LAMC1: variants seen among roughly 807,000 people sequenced by gnomAD.
LAMC1 encodes laminin subunit gamma 1, also known as laminin subunit gamma-1.
Under a neutral mutation model 173.6 loss-of-function variants are expected in LAMC1, and 38 were observed. The observed-to-expected ratio is 0.22, with a 90% CI of 0.17 to 0.29. The LOEUF (loss-of-function observed/expected upper bound fraction) is 0.29. Ranked by LOEUF, LAMC1 falls within the 10% of genes least tolerant of loss-of-function variation. The probability of loss-of-function intolerance (pLI) is 1.00; values close to 1 mark genes in which losing one functional copy is unlikely to be tolerated. For missense variants in LAMC1, 1,824 were observed against 2,051.8 expected, an observed-to-expected ratio of 0.89 and a Z score of 2.14; for synonymous variants, 746 against 749.1, an observed-to-expected ratio of 1.00 and a Z score of 0.07.
rs1657181948 is a variant in LAMC1, at chr1:183,143,770, T to C, written c.*980T>C. The C allele has an allele frequency of 6.6e-6, 1 of 152,190 alleles. No homozygotes were observed. The highest frequency in any genetic ancestry group is 1.5e-5 in the Non-Finnish European group (1 of 68,044). The allele number at this position is 152,190 out of a possible 1,614,324, so 9.4% of individuals were successfully genotyped here. On this transcript the variant is annotated 3_prime_UTR_variant, in exon 28 of 28. Coordinates refer to ENST00000258341, the MANE Select transcript of LAMC1 (RefSeq NM_002293.4). ...AAAACAAGCCTCCTCGTCCTAGTCT[T>C]TTCTAGCAAAGGGATAAAACTTAGA...
At chr1:183,086,920 A>T (rs115432897) in intron 1 of LAMC1, among the ~76,000 whole-genome samples, 187 of 152,326 alleles carry the variant, frequency 1.2e-3, no homozygotes, top group African/African-American at 4.5e-3. Context: ...AGTAATAGAG[A>T]TATTTTCAGA....
At chr1:183,135,862 C>T (rs921076603) in intron 24 of LAMC1, among the ~76,000 whole-genome samples, 25 of 139,614 alleles carry the variant, frequency 1.8e-4, no homozygotes, top group African/African-American at 6.5e-4. Flanking sequence ...GCATTCCAGC[C>T]AGGGTGACAG....
At chr1:183,091,782 G>C (rs4233194) in intron 1 of LAMC1, among the ~76,000 whole-genome samples, 71,482 of 151,886 alleles carry the variant, frequency 0.47, 18,317 homozygotes, top group East Asian at 0.61. Context: ...TTTGCTTTCA[G>C]ATGTGTCCCT....
intron 1 of LAMC1, among the ~76,000 whole-genome samples, chr1:183,040,487 GGTTT>G (rs1198360201): frequency 6.6e-6 from 1 of 152,128 alleles, no homozygotes; most frequent in Non-Finnish European, 1.5e-5. Flanking sequence ...CAAACAAGTT[GGTTT>G]GTTTATTTGG....
rs1189223794 is a variant in LAMC1, at chr1:183,127,325, G to A, written c.3044G>A (p.Cys1015Tyr). The change falls in exon 17 of 28, where the codon TGT (cysteine) becomes TAT (tyrosine). Residue 1015 changes from cysteine to tyrosine, a missense_variant. Transcript: ENST00000258341. Reference sequence around the variant, plus strand: ...TTTGTGGGAAATCGCTGTGACCAGTGTGAAGAAAACTATTTCTACAATCGG... The same window carrying A: ...TTTGTGGGAAATCGCTGTGACCAGTATGAAGAAAACTATTTCTACAATCGG... Reference protein sequence around the residue: ...EGFVGNRCDQCEENYFYNRSW... With the variant: ...EGFVGNRCDQYEENYFYNRSW... 6.2e-7 allele frequency: 1 copy of A among 1,614,050 alleles called. No individual in the cohort carries two copies. Among genetic ancestry groups the A allele is most frequent in the African/African-American group, 1.3e-5 (1 of 74,932 alleles).
intron 11 of LAMC1, among the ~76,000 whole-genome samples, chr1:183,120,345 A>G (rs897968482): frequency 5.9e-5 from 9 of 152,070 alleles, no homozygotes; most frequent in Admixed American, 2.6e-4. Context: ...TGAAGAAAGT[A>G]TTTTTAGAAT....
At chr1:183,090,214 AATTTT>A (rs1180382296) in intron 1 of LAMC1, among the ~76,000 whole-genome samples, 3 of 152,164 alleles carry the variant, frequency 2.0e-5, no homozygotes, top group Non-Finnish European at 4.4e-5. Flanking sequence ...AATTTGTTGT[AATTTT>A]ATTTCTTAAC....
chr1:183,107,125 A>G (rs1323784255), intron 2 of LAMC1, among the ~76,000 whole-genome samples: 1 of 152,232 alleles, frequency 6.6e-6, no homozygotes, highest in African/African-American at 2.4e-5. Context: ...CTCTGCCATT[A>G]TGGTACACCT....
At position 183,136,573 on chromosome 1, in the gene LAMC1, C is replaced by T. The variant is rs541989446; in HGVS notation, c.4302C>T (p.Ser1434=). ...CCCATGAGGCGGAGAGGATCGCGAGCGCTGTCCAAAAGGTGTGCGTTTCCT... is the reference window on the plus strand; with the variant it reads ...CCCATGAGGCGGAGAGGATCGCGAGTGCTGTCCAAAAGGTGTGCGTTTCCT... The part of the protein sequence containing the change: ...NKAHEAERIA[S]AVQKNATSTK... Residue 1434 remains serine (S), a synonymous_variant, in exon 25 of 28, where the codon AGC becomes AGT. Transcript: ENST00000258341. The T allele has an allele frequency of 3.8e-5, 61 of 1,603,384 alleles. No individual in the cohort carries two copies. The South Asian group carries it at 5.7e-4, about 15-fold the overall frequency.
chr1:183,044,493 T>A (rs1037309691), intron 1 of LAMC1, among the ~76,000 whole-genome samples: 2 of 152,130 alleles, frequency 1.3e-5, no homozygotes. Context: ...CGTAAAACGA[T>A]AGGCATTTAA....
intron 1 of LAMC1, among the ~76,000 whole-genome samples, chr1:183,079,944 CA>C: frequency 6.6e-6 from 1 of 152,250 alleles, no homozygotes; most frequent in African/African-American, 2.4e-5. Context: ...ATGACAATGT[CA>C]AAAACGTGTT....
chr1:183,099,320 C>A (rs1180892186), intron 1 of LAMC1, among the ~76,000 whole-genome samples: 2 of 152,080 alleles, frequency 1.3e-5, no homozygotes, highest in Admixed American at 6.6e-5. Flanking sequence ...GAACTCCTGA[C>A]CTCAAGTGAT....
rs777290656 is a variant in LAMC1, at chr1:183,114,541, C to T, written c.1032C>T (p.Cys344=). The T allele has an allele frequency of 3.7e-6, 6 of 1,614,008 alleles. No homozygotes were observed. The Middle Eastern group carries it at 4.9e-4, about 133-fold the overall frequency. The part of the protein sequence containing the change: ...ESASECLPCD[C]NGRSQECYFD... ...TGTTTTGACTGACAGCCTGTGATTG[C>T]AATGGTCGATCCCAGGAATGCTACT... The change falls in exon 5 of 28, where the codon TGC becomes TGT. Residue 344 remains cysteine (C), a synonymous_variant. Coordinates refer to ENST00000258341, the MANE Select transcript of LAMC1 (RefSeq NM_002293.4).
At position 183,130,386 on chromosome 1, in the gene LAMC1, A is replaced by G. The variant is rs764164485; in HGVS notation, c.3323A>G (p.Asn1108Ser). The G allele has an allele frequency of 2.5e-6, 4 of 1,614,052 alleles. No individual in the cohort carries two copies. Among genetic ancestry groups the G allele is most frequent in the Admixed American group, 1.7e-5 (1 of 60,008 alleles). The change falls in exon 19 of 28, where the codon AAC becomes AGC. Residue 1108 changes from asparagine to serine, a missense_variant. Physicochemically the swap from Asn to Ser is conservative, Grantham distance 46. Transcript: ENST00000258341. ...ATGGATCGCCTACAGAGAGTGAATA[A>G]CACTCTGTCCAGCCAAATTAGCCGT... ...NLMDRLQRVN[N>S]TLSSQISRLQ...
At chr1:183,062,323 A>C (rs949778070) in intron 1 of LAMC1, among the ~76,000 whole-genome samples, 2 of 152,198 alleles carry the variant, frequency 1.3e-5, no homozygotes, top group Non-Finnish European at 2.9e-5. Context: ...TAGCTTTTTA[A>C]ATAGTTTGTC....
At chr1:183,126,552 C>T (rs1326099918) in intron 16 of LAMC1, among the ~76,000 whole-genome samples, 3 of 152,142 alleles carry the variant, frequency 2.0e-5, no homozygotes, top group African/African-American at 7.2e-5. Context: ...TGAGCTTTCC[C>T]ACTGTGGTTC....
rs1396867242 is a variant in LAMC1, at chr1:183,124,677, G to T, written c.2448G>T (p.Leu816=). The change falls in exon 14 of 28, where the codon CTG becomes CTT. Residue 816 remains leucine, a synonymous_variant. Transcript: ENST00000258341. The part of the protein sequence containing the change: ...LCDDGYFGDP[L]GRNGPVRLCR... Reference sequence around the variant, plus strand: ...ATGATGGCTACTTTGGAGACCCCCTGGGTAGAAACGGCCCTGTGAGACTTT... The same window carrying T: ...ATGATGGCTACTTTGGAGACCCCCTTGGTAGAAACGGCCCTGTGAGACTTT... 1.9e-6 allele frequency: 3 copies of T among 1,614,196 alleles called. No homozygotes were observed. In the South Asian group the frequency reaches 3.3e-5, roughly 18 times the overall value.
chr1:183,120,133 C>A (rs928674381), intron 11 of LAMC1, among the ~76,000 whole-genome samples: 6 of 136,074 alleles, frequency 4.4e-5, no homozygotes, highest in Non-Finnish European at 7.6e-5. Context: ...CATGCCGTTG[C>A]ACACCAGCCT....
intron 24 of LAMC1, among the ~76,000 whole-genome samples, chr1:183,135,545 G>A (rs779658554): frequency 4.6e-5 from 7 of 151,978 alleles, no homozygotes; most frequent in Non-Finnish European, 1.0e-4. Context: ...TGATAAAACA[G>A]TCATAGGTTC....
Sources: allele counts gnomAD v4.1 joint callset (sites outside exome capture counted in the v4.1 genomes callset), GRCh38; gene constraint gnomAD v4.1.1; transcripts MANE v1.5; gene names NCBI Gene and HGNC (gene_info 2026-07-23, HGNC 2026-07-21).